GK: variants seen among roughly 807,000 people sequenced by gnomAD.
GK encodes ATP:glycerol 3-phosphotransferase.
Under a neutral mutation model 56.4 loss-of-function variants are expected in GK, and 9 were observed. The ratio of observed to expected loss-of-function variants is 0.16; its 90% confidence interval spans 0.10 to 0.28. GK has a LOEUF of 0.28. Among genes scored for constraint, GK ranks in the 10% least tolerant of loss-of-function variants. The pLI is 1.00. For synonymous variants in GK, 104 were observed against 144.1 expected (o/e 0.72, Z 1.99); for missense variants, 161 against 431.4 (o/e 0.37, Z 5.55).
chrX:30,661,504 T>G (rs1932757565), intron 1 of GK, among the ~76,000 whole-genome samples: 1 of 101,539 alleles, frequency 9.8e-6, no homozygotes, highest in South Asian at 4.1e-4. Context: ...CCTCTAATCC[T>G]TTCTCATCAA....
rs1189327534 is a variant in GK, at chrX:30,729,908, T to C, written c.*1166T>C. The C allele has an allele frequency of 1.8e-5, 2 of 112,099 alleles. No homozygotes were observed. The highest frequency in any genetic ancestry group is 3.8e-5 in the Non-Finnish European group (2 of 53,101). The allele number at this position is 112,099 out of a possible 1,213,427, so 9.2% of individuals were successfully genotyped here. ...ATAAGAGGATGTCAAAAAAGTTAAATACCTAAGTAGAAAAAAATATAGAAA... is the reference window on the plus strand; with the variant it reads ...ATAAGAGGATGTCAAAAAAGTTAAACACCTAAGTAGAAAAAAATATAGAAA... On this transcript the variant is annotated 3_prime_UTR_variant, in exon 21 of 21. Transcript: ENST00000427190.
chrX:30,673,252 T>C (rs1933662430), intron 3 of GK, among the ~76,000 whole-genome samples: 1 of 112,145 alleles, frequency 8.9e-6, no homozygotes, highest in Admixed American at 9.5e-5. Context: ...TGATAATGGT[T>C]ATGATGTCCG....
At chrX:30,681,218 T>C (rs936558925) in intron 4 of GK, among the ~76,000 whole-genome samples, 2 of 112,294 alleles carry the variant, frequency 1.8e-5, no homozygotes, top group Admixed American at 9.5e-5. Context: ...AATTAATATG[T>C]TCAAGGAATT....
chrX:30,680,061 A>G (rs1934194978), intron 4 of GK, among the ~76,000 whole-genome samples: 1 of 111,982 alleles, frequency 8.9e-6, no homozygotes, highest in African/African-American at 3.2e-5. Context: ...TTAGGAAAAG[A>G]GAAAATTGAG....
intron 3 of GK, among the ~76,000 whole-genome samples, chrX:30,669,825 T>C (rs2147148096): frequency 8.9e-6 from 1 of 111,909 alleles, no homozygotes; most frequent in African/African-American, 3.2e-5. Context: ...ATAGAGTGCC[T>C]ACTATGTGCC....
At chrX:30,661,014 A>G (rs1035973795) in intron 1 of GK, among the ~76,000 whole-genome samples, 3 of 109,162 alleles carry the variant, frequency 2.7e-5, no homozygotes, top group African/African-American at 1.0e-4. Context: ...GGGTTTCACT[A>G]GGTTGGTCAG....
chrX:30,697,680 GTAT>G, intron 8 of GK, 49 bp from the exon 9 acceptor site: 1 of 895,961 alleles, frequency 1.1e-6, no homozygotes, highest in Non-Finnish European at 1.6e-6. Context: ...GTTTTCTCTT[GTAT>G]TTAAAATATT....
chrX:30,686,749 A>G (rs2147185626), intron 4 of GK, among the ~76,000 whole-genome samples: 2 of 111,527 alleles, frequency 1.8e-5, no homozygotes, highest in East Asian at 5.6e-4. Flanking sequence ...AACTAAATCT[A>G]CCAGACAGAT....
intron 20 of GK, among the ~76,000 whole-genome samples, chrX:30,728,160 CT>C (rs1937221048): frequency 9.0e-6 from 1 of 111,496 alleles, no homozygotes; most frequent in South Asian, 3.7e-4. Flanking sequence ...ACTGAATAAT[CT>C]TTTTTTAATA....
intron 4 of GK, among the ~76,000 whole-genome samples, chrX:30,689,960 C>T (rs1181005804): frequency 9.0e-6 from 1 of 111,534 alleles, no homozygotes. Context: ...TACAGAAACC[C>T]GTATCTTGTC....
intron 5 of GK, 106 bp downstream of exon 5, chrX:30,691,305 C>G: frequency 6.3e-6 from 3 of 475,904 alleles, no homozygotes; most frequent in Non-Finnish European, 1.1e-5. Flanking sequence ...TTATTTGATA[C>G]AATTTATAGA....
intron 18 of GK, among the ~76,000 whole-genome samples, chrX:30,722,376 T>C (rs1011973235): frequency 2.7e-5 from 3 of 112,368 alleles, no homozygotes; most frequent in Admixed American, 9.5e-5. Flanking sequence ...CTTTATAATA[T>C]GCAAATAATG....
At chrX:30,666,313 C>T (rs1241219518) in intron 2 of GK, among the ~76,000 whole-genome samples, 1 of 112,223 alleles carries the variant, frequency 8.9e-6, no homozygotes, top group African/African-American at 3.2e-5. Context: ...TGGACAGATA[C>T]TTGCACCAAC....
At chrX:30,680,005 T>G (rs957266613) in intron 4 of GK, among the ~76,000 whole-genome samples, 19 of 111,686 alleles carry the variant, frequency 1.7e-4, no homozygotes, top group African/African-American at 5.2e-4. Context: ...CTTTTCACAG[T>G]GGAGGTTGAA....
rs1259016540 is a variant in GK at position 30,685,649 on chromosome X, A to G, written c.338-5474A>G. Among the ~76,000 whole-genome samples the G allele has an allele frequency of 3.6e-5, 4 of 112,427 alleles. No individual in the cohort carries two copies. The East Asian group carries it at 8.3e-4, about 23-fold the overall frequency. ...TGAATTATTCAAATCTGGCCAAATA[A>G]AAAGAAACTGACTTAGTTTTCAACT... On this transcript the variant is annotated intron_variant, in intron 4 of 20. Coordinates refer to ENST00000427190, the MANE Select transcript of GK (RefSeq NM_001205019.2).
intron 3 of GK, among the ~76,000 whole-genome samples, chrX:30,675,248 T>A (rs1237373181): frequency 9.4e-6 from 1 of 106,529 alleles, no homozygotes; most frequent in Non-Finnish European, 1.9e-5. Flanking sequence ...CAGGCAGGAG[T>A]GCAGTGGCCC....
At chrX:30,707,533 A>T (rs777198415) in intron 11 of GK, 23 bp from the exon 12 acceptor site, 1 of 943,617 alleles carries the variant, frequency 1.1e-6, no homozygotes, top group Non-Finnish European at 1.5e-6. Flanking sequence ...TTGTCTTACT[A>T]TTCATTCTCC....
chrX:30,726,005 CACACAGAT>C (rs1442070548), intron 19 of GK, among the ~76,000 whole-genome samples: 1 of 110,807 alleles, frequency 9.0e-6, no homozygotes, highest in African/African-American at 3.3e-5. Flanking sequence ...CCATGCCTTA[CACACAGAT>C]ACACAGTTCT....
chrX:30,728,301 G>A (rs1937226441), intron 20 of GK, among the ~76,000 whole-genome samples: 1 of 106,506 alleles, frequency 9.4e-6, no homozygotes, highest in South Asian at 4.3e-4. Flanking sequence ...TGGAAATGAT[G>A]CTTCTTATTC....
Sources: gnomAD v4.1 joint callset for allele counts (sites outside exome capture counted in the v4.1 genomes callset) on GRCh38, gnomAD v4.1.1 for gene constraint, MANE v1.5 for transcripts, NCBI Gene and HGNC (gene_info 2026-07-23, HGNC 2026-07-21) for gene names.